ERI1: variants seen among roughly 807,000 people sequenced by gnomAD.
ERI1 encodes exoribonuclease 1, also known as 3'-5' exoribonuclease 1.
ERI1 carries 39 observed loss-of-function variants against 39.7 expected under a neutral mutation model. The ratio of observed to expected loss-of-function variants is 0.98; its 90% CI spans 0.76 to 1.28. ERI1 has a LOEUF of 1.28. Among genes scored for constraint, ERI1 ranks in the 50% most tolerant of loss-of-function variants. ERI1 has a pLI of 0.00. For synonymous variants in ERI1, 204 were observed against 149.6 expected (o/e 1.36, Z -2.65); for missense variants, 581 against 416.9 (o/e 1.39, Z -3.43).
At chr8:9,089,938 G>C (rs758455509) in intron 3 of ERI1, among the ~76,000 whole-genome samples, 1 of 152,060 alleles carries the variant, frequency 6.6e-6, no homozygotes, top group Non-Finnish European at 1.5e-5. Context: ...AATTATCCAA[G>C]AGAACGGCTC....
intron 3 of ERI1, among the ~76,000 whole-genome samples, chr8:9,093,713 A>C (rs1799783960): frequency 6.6e-6 from 1 of 152,066 alleles, no homozygotes; most frequent in Non-Finnish European, 1.5e-5. Flanking sequence ...GATTACAGGC[A>C]CATGCCACCA....
chr8:9,023,612 G>A (rs138978969), intron 6 of ERI1, among the ~76,000 whole-genome samples: 41 of 151,822 alleles, frequency 2.7e-4, no homozygotes, highest in Middle Eastern at 3.4e-3. Flanking sequence ...TCCCCTCTTC[G>A]TAATAGATAA....
intron 3 of ERI1, among the ~76,000 whole-genome samples, chr8:9,072,135 A>T (rs774350461): frequency 6.6e-6 from 1 of 152,142 alleles, no homozygotes; most frequent in Non-Finnish European, 1.5e-5. Context: ...ACAGAATACC[A>T]TGATTTAGTT....
intron 3 of ERI1, among the ~76,000 whole-genome samples, chr8:9,056,683 T>C (rs1488550351): frequency 1.3e-5 from 2 of 152,238 alleles, no homozygotes; most frequent in African/African-American, 4.8e-5. Flanking sequence ...AGCACTATTA[T>C]AGTTTTTAAA....
At chr8:9,017,275 C>T (rs558394754) in intron 4 of ERI1, among the ~76,000 whole-genome samples, 29 of 152,104 alleles carry the variant, frequency 1.9e-4, no homozygotes, top group African/African-American at 5.1e-4. Flanking sequence ...GAACTCCTGA[C>T]GTCAAGCCCT....
chr8:9,005,717 A>G (rs1036642552), intron 1 of ERI1, among the ~76,000 whole-genome samples: 5 of 151,768 alleles, frequency 3.3e-5, no homozygotes, highest in African/African-American at 7.3e-5. Flanking sequence ...CGTGGTCTCT[A>G]TCTCCTGACC....
At chr8:9,024,011 A>G (rs1366636848) in intron 6 of ERI1, among the ~76,000 whole-genome samples, 1 of 151,854 alleles carries the variant, frequency 6.6e-6, no homozygotes, top group East Asian at 1.9e-4. Context: ...CATATTAGCC[A>G]GGCTGGTCTT....
chr8:9,043,909 C>T lies in ERI1; in HGVS notation n.299+23445C>T, dbSNP rs185274576. ...TCTAATTGAGAAAATAAGGCATAAG[C>T]AGGGAAAGATAGTTAACAATGTAAA... On this transcript the variant is annotated intron_variant and non_coding_transcript_variant, in intron 3 of 3. Transcript: ENST00000518663. Among the ~76,000 whole-genome samples, 324 of 152,144 alleles carry T rather than the reference C, an allele frequency of 2.1e-3. 2 individuals are homozygous for T. The highest frequency in any genetic ancestry group is 6.4e-3 in the African/African-American group (267 of 41,504).
intron 3 of ERI1, among the ~76,000 whole-genome samples, chr8:9,013,555 C>T (rs556771905): frequency 6.6e-6 from 1 of 152,082 alleles, no homozygotes; most frequent in African/African-American, 2.4e-5. Context: ...TCTCTGCTTA[C>T]ATCCTTTCGC....
At position 9,029,448 on chromosome 8, in the gene ERI1, C is replaced by A. The variant is rs189792845; in HGVS notation, c.808-344C>A. ...GGTTCAGGCAGTTCTCCTGCCTCAG[C>A]CTCCCAGGTAGCTGGCATTACAGAT... On this transcript the variant is annotated intron_variant, in intron 6 of 6. Coordinates refer to ENST00000250263, the MANE Select transcript of ERI1 (RefSeq NM_153332.4). 9.1e-4 allele frequency among the ~76,000 whole-genome samples: 139 copies of A among 152,228 alleles called. 1 individual carries two copies. The highest frequency in any genetic ancestry group is 1.8e-3 in the Non-Finnish European group (120 of 68,018).
At position 9,010,674 on chromosome 8, in the gene ERI1, A is replaced by T. The variant is rs114917072; in HGVS notation, c.288-868A>T. 8.8e-3 allele frequency among the ~76,000 whole-genome samples: 1,347 copies of T among 152,274 alleles called. 20 individuals are homozygous for T. Among genetic ancestry groups the T allele is most frequent in the African/African-American group, 0.031 (1,293 of 41,562 alleles). The stretch of plus-strand genomic sequence containing the variant: ...ATTTTTACTTCCATTTCATATTTGC[A>T]GGCCAATATAGGATTCATTTATATA... On this transcript the variant is annotated intron_variant, in intron 2 of 6. Coordinates refer to ENST00000250263, the MANE Select transcript of ERI1 (RefSeq NM_153332.4).
rs549046639 is a variant in ERI1, at chr8:9,066,326, G to C, written n.299+45862G>C. Among the ~76,000 whole-genome samples, 11 of 152,302 alleles carry C rather than the reference G, an allele frequency of 7.2e-5. No individual in the cohort carries two copies. In the East Asian group the frequency reaches 1.2e-3, roughly 16 times the overall value. ...GTGGTTGGTGGTCATCTCAGAGTTGGTGTCCACAGATGGATGTCTGTGACA... is the reference window on the plus strand; with the variant it reads ...GTGGTTGGTGGTCATCTCAGAGTTGCTGTCCACAGATGGATGTCTGTGACA... On this transcript the variant is annotated intron_variant and non_coding_transcript_variant, in intron 3 of 3. Coordinates refer to the ERI1 transcript ENST00000518663.
intron 3 of ERI1, among the ~76,000 whole-genome samples, chr8:9,092,236 C>T (rs562525714): frequency 7.2e-5 from 11 of 152,276 alleles, no homozygotes; most frequent in African/African-American, 2.6e-4. Flanking sequence ...AGATTACAGG[C>T]CTGAACCACT....
chr8:9,010,368 A>C (rs1816534530), intron 2 of ERI1, among the ~76,000 whole-genome samples: 1 of 152,228 alleles, frequency 6.6e-6, no homozygotes, highest in Non-Finnish European at 1.5e-5. Context: ...CATGACACAG[A>C]GGTCACTCAC....
chr8:9,019,234 AAAAG>A (rs1817629500), intron 5 of ERI1, among the ~76,000 whole-genome samples: 1 of 152,218 alleles, frequency 6.6e-6, no homozygotes, highest in African/African-American at 2.4e-5. Flanking sequence ...ATTAAGGTTG[AAAAG>A]AACGTCCTAA....
chr8:9,065,744 A>G (rs1798853500), intron 3 of ERI1, among the ~76,000 whole-genome samples: 1 of 151,676 alleles, frequency 6.6e-6, no homozygotes, highest in Non-Finnish European at 1.5e-5. Context: ...GTGCAAAAAT[A>G]TAAAAGGAAA....
At chr8:9,007,530 C>T (rs1816149540) in intron 1 of ERI1, among the ~76,000 whole-genome samples, 2 of 152,116 alleles carry the variant, frequency 1.3e-5, no homozygotes, top group African/African-American at 4.8e-5. Context: ...GGGTCTGATA[C>T]ACATAATCTC....
At chr8:9,034,155 G>C (rs1332321590), downstream of ERI1, among the ~76,000 whole-genome samples, 7 of 152,210 alleles carry the variant, frequency 4.6e-5, no homozygotes, top group African/African-American at 1.7e-4. Context: ...TGTTTTTCTG[G>C]ATTCCTTACC....
intron 3 of ERI1, among the ~76,000 whole-genome samples, chr8:9,064,389 T>C (rs574055260): frequency 5.1e-4 from 78 of 152,258 alleles, no homozygotes; most frequent in African/African-American, 1.9e-3. Flanking sequence ...CAGACACCTC[T>C]GAAACATGGG....
Sources: allele counts gnomAD v4.1 joint callset (sites outside exome capture counted in the v4.1 genomes callset), GRCh38; gene constraint gnomAD v4.1.1; transcripts MANE v1.5; gene names NCBI Gene and HGNC (gene_info 2026-07-23, HGNC 2026-07-21).